CCDC152: variants seen among roughly 807,000 people sequenced by gnomAD.
The protein encoded by CCDC152 is coiled-coil domain-containing protein 152.
CCDC152 carries 37 observed loss-of-function variants against 38.1 expected under a neutral mutation model. That is an observed-to-expected ratio of 0.97 (90% CI 0.75 to 1.28). The LOEUF is 1.28. Among genes scored for constraint, CCDC152 ranks in the 50% most tolerant of loss-of-function variants. The pLI is 0.00. For synonymous variants in CCDC152, 83 were observed against 87.1 expected, an observed-to-expected ratio of 0.95 and a Z score of 0.26; for missense variants, 259 against 292.1, an observed-to-expected ratio of 0.89 and a Z score of 0.83.
chr5:42,777,767 C>T (rs73099761), intron 4 of CCDC152, among the ~76,000 whole-genome samples: 12,482 of 152,242 alleles, frequency 0.082, 612 homozygotes, highest in Middle Eastern at 0.14. Context: ...ATTTCCAAGG[C>T]TCCTTTCAAT....
intron 8 of CCDC152, 25 bp downstream of exon 8, chr5:42,799,483 T>G: frequency 7.1e-7 from 1 of 1,414,174 alleles, no homozygotes. Context: ...CTCTCAGTAT[T>G]TGTTGCTTAA....
chr5:42,762,743 G>A (rs183665916), intron 3 of CCDC152, among the ~76,000 whole-genome samples, 195 bp downstream of exon 3: 8 of 152,170 alleles, frequency 5.3e-5, no homozygotes, highest in South Asian at 2.1e-4. Context: ...CCTCACCAAT[G>A]AAGAAACATA....
At position 42,783,522 on chromosome 5, in the gene CCDC152, G is replaced by C. The variant is rs748389358; in HGVS notation, c.376G>C (p.Glu126Gln). ...AKLVSEMKIK[E>Q]EGYKKEISKL... ...ACTTGTAAGTGAAATGAAAATCAAAGAGGAGGGATATAAGAAAGAAATAAG... is the reference window on the plus strand; with the variant it reads ...ACTTGTAAGTGAAATGAAAATCAAACAGGAGGGATATAAGAAAGAAATAAG... The change falls in exon 6 of 9, where the codon GAG (glutamate) becomes CAG (glutamine). Residue 126 changes from glutamate (E) to glutamine (Q), a missense_variant. Glu to Gln is a conservative substitution (Grantham distance 29). Coordinates refer to ENST00000361970, the MANE Select transcript of CCDC152 (RefSeq NM_001134848.2). 9.3e-6 allele frequency: 13 copies of C among 1,390,794 alleles called. No homozygotes were observed. Among genetic ancestry groups the C allele is most frequent in the Non-Finnish European group, 1.2e-5 (13 of 1,060,306 alleles). 86.2% of individuals were successfully genotyped at this position (1,390,794 alleles called of 1,614,324 possible). A position where few individuals can be genotyped will look rare whatever the true frequency, so the allele number is the denominator to read the frequency against.
In CCDC152 at chr5:42,759,612, A is replaced by G. The variant is rs2972747; in HGVS notation, c.87+404A>G. The stretch of plus-strand genomic sequence containing the variant: ...TAAATTCTGCACCATTCTGAGTAGC[A>G]CGGTGAAATCTTCCATTGTCTCTGT... On this transcript the variant is annotated intron_variant, in intron 2 of 8. Coordinates refer to ENST00000361970, the MANE Select transcript of CCDC152 (RefSeq NM_001134848.2). Among the ~76,000 whole-genome samples, 319 of 152,346 alleles carry G rather than the reference A, an allele frequency of 2.1e-3. 2 individuals carry two copies. The highest frequency in any genetic ancestry group is 7.3e-3 in the African/African-American group (302 of 41,582).
In CCDC152 at chr5:42,802,130, T is replaced by C. The variant is rs1379380787; in HGVS notation, c.*2349T>C. On this transcript the variant is annotated 3_prime_UTR_variant, in exon 9 of 9. Coordinates refer to ENST00000361970, the MANE Select transcript of CCDC152 (RefSeq NM_001134848.2). Reference sequence around the variant, plus strand: ...TTGAACTTCACCAAAGCTTTGCTAATGTCTCCCTACCATAAGGCTGTCAGC... The same window carrying C: ...TTGAACTTCACCAAAGCTTTGCTAACGTCTCCCTACCATAAGGCTGTCAGC... The C allele has an allele frequency of 6.6e-6, 1 of 152,194 alleles. No individual in the cohort carries two copies. The highest frequency in any genetic ancestry group is 1.5e-5 in the Non-Finnish European group (1 of 68,034). The allele number at this position is 152,194 out of a possible 1,614,324, so 9.4% of individuals were successfully genotyped here.
Position 42,799,925 on chromosome 5 carries a change from GTATCC to G in CCDC152, c.*145_*149del. The stretch of plus-strand genomic sequence containing the variant: ...GAATTTATTTGGACAAATCCGTACT[GTATCC>G]AATTCTGTACTGCATTCTTGCTTAA... On this transcript the variant is annotated 3_prime_UTR_variant, in exon 9 of 9. Transcript: ENST00000361970. The G allele has an allele frequency of 1.1e-6, 1 of 899,254 alleles. No homozygotes were observed. Among genetic ancestry groups the G allele is most frequent in the Non-Finnish European group, 1.7e-6 (1 of 593,892 alleles). 55.7% of individuals were successfully genotyped at this position (899,254 alleles called of 1,614,324 possible).
intron 4 of CCDC152, 108 bp downstream of exon 4, chr5:42,769,773 A>G: frequency 8.0e-7 from 1 of 1,253,736 alleles, no homozygotes. Context: ...TGTCAGCTAA[A>G]AGAGGACTCC....
chr5:42,769,563 G>A, intron 3 of CCDC152, 34 bp from the exon 4 acceptor site: 3 of 1,430,754 alleles, frequency 2.1e-6, no homozygotes, highest in African/African-American at 1.5e-5. Flanking sequence ...TGAAAGCAAG[G>A]GATTTTAAAA....
At chr5:42,789,758 C>A (rs1020151497) in intron 6 of CCDC152, among the ~76,000 whole-genome samples, 1 of 152,068 alleles carries the variant, frequency 6.6e-6, no homozygotes, top group Admixed American at 6.6e-5. Flanking sequence ...GAGGGTTAAT[C>A]GGTTTTATAT....
chr5:42,801,001 A>G lies in CCDC152; in HGVS notation c.*1220A>G, dbSNP rs749669211. 1.2e-5 allele frequency: 19 copies of G among 1,614,210 alleles called. No individual in the cohort carries two copies. Among genetic ancestry groups the G allele is most frequent in the Non-Finnish European group, 1.4e-5 (17 of 1,180,016 alleles). ...GGAGCCAACTCTGAATCTGTGGGCA[A>G]TTTACAGAGTAATTGATTTATACAT... On this transcript the variant is annotated 3_prime_UTR_variant, in exon 9 of 9. Transcript: ENST00000361970.
At chr5:42,781,400 T>C (rs891814596) in intron 5 of CCDC152, among the ~76,000 whole-genome samples, 12 of 152,154 alleles carry the variant, frequency 7.9e-5, no homozygotes, top group African/African-American at 2.9e-4. Context: ...ACAAAATCTC[T>C]TGAACTGAGA....
intron 6 of CCDC152, among the ~76,000 whole-genome samples, chr5:42,791,152 T>G (rs918902207): frequency 3.3e-5 from 5 of 152,244 alleles, no homozygotes; most frequent in Non-Finnish European, 5.9e-5. Flanking sequence ...AATTGAGGCA[T>G]GTACCCTAAG....
At chr5:42,782,428 G>C (rs545208816) in intron 5 of CCDC152, among the ~76,000 whole-genome samples, 1 of 152,112 alleles carries the variant, frequency 6.6e-6, no homozygotes, top group African/African-American at 2.4e-5. Flanking sequence ...AAAAGACATT[G>C]TTTCTGTAAT....
In CCDC152 at chr5:42,781,001, G is replaced by A. The variant is rs143467859; in HGVS notation, c.327+1479G>A. On this transcript the variant is annotated intron_variant, in intron 5 of 8. Transcript: ENST00000361970. Reference sequence around the variant, plus strand: ...TAAAGTGGAAGAGAAGATCTAGTGGGATAGAACTTGGCTCAACCCAGATAG... The same window carrying A: ...TAAAGTGGAAGAGAAGATCTAGTGGAATAGAACTTGGCTCAACCCAGATAG... 2.5e-3 allele frequency among the ~76,000 whole-genome samples: 384 copies of A among 152,270 alleles called. 1 individual carries two copies. The highest frequency in any genetic ancestry group is 3.0e-3 in the Non-Finnish European group (206 of 68,010).
In CCDC152 at chr5:42,796,867, A is replaced by G; in HGVS notation, c.469A>G (p.Lys157Glu). ...AGAAAAGCACAAAGAACTAATAGAG[A>G]AAAAGGAGATGGAAATTTCAGAGTT... ...NEEKHKELIE[K>E]KEMEISELNA... is the part of the protein sequence containing the mutation. Residue 157 changes from lysine to glutamate, a missense_variant, in exon 7 of 9, where the codon AAA (lysine) becomes GAA (glutamate). Transcript: ENST00000361970. The G allele has an allele frequency of 6.6e-7, 1 of 1,523,486 alleles. No homozygotes were observed. The highest frequency in any genetic ancestry group is 8.8e-7 in the Non-Finnish European group (1 of 1,136,338). The allele number at this position is 1,523,486 out of a possible 1,614,324, so 94.4% of individuals were successfully genotyped here.
At chr5:42,789,526 A>G (rs940850992) in intron 6 of CCDC152, among the ~76,000 whole-genome samples, 3 of 152,182 alleles carry the variant, frequency 2.0e-5, no homozygotes, top group Admixed American at 6.5e-5. Context: ...TGGGTTTTGT[A>G]CCTTCCTATA....
intron 1 of CCDC152, among the ~76,000 whole-genome samples, chr5:42,757,501 T>C (rs141433054): frequency 2.8e-4 from 42 of 152,222 alleles, no homozygotes; most frequent in African/African-American, 6.0e-4. Context: ...GTGGGGACGG[T>C]TGAAGCTGAG....
rs1436164321 is a variant in CCDC152 at position 42,801,302 on chromosome 5, A to G, written c.*1521A>G. ...TTTTATCCACAGTAGCCAAAGATAC[A>G]CGTTTACAAAAGTCTTCATCTTTGA... On this transcript the variant is annotated 3_prime_UTR_variant, in exon 9 of 9. Coordinates refer to ENST00000361970, the MANE Select transcript of CCDC152 (RefSeq NM_001134848.2). 17 of 1,611,190 alleles carry G rather than the reference A, an allele frequency of 1.1e-5. No homozygotes were observed. The highest frequency in any genetic ancestry group is 1.4e-5 in the Non-Finnish European group (17 of 1,178,632).
Position 42,799,662 on chromosome 5 carries a change from CTT to C in CCDC152, c.647_648del (p.Leu216ProfsTer16). 1 of 1,543,706 alleles carries C rather than the reference CTT, an allele frequency of 6.5e-7. No homozygotes were observed. Among genetic ancestry groups the C allele is most frequent in the South Asian group, 1.2e-5 (1 of 82,484 alleles). The stretch of plus-strand genomic sequence containing the variant: ...ACAAATTTTTTGTTTCGTTTAGAAA[CTT>C]CAGCATTTTCAAGAAGAAAAAAACA... ...VLPQSIYRRK[L>X]QHFQEEKNKE... On this transcript the variant is annotated frameshift_variant, in exon 9 of 9. Transcript: ENST00000361970. LOFTEE classifies it high-confidence loss of function.
Sources: gnomAD v4.1 joint callset for allele counts (sites outside exome capture counted in the v4.1 genomes callset) on GRCh38, gnomAD v4.1.1 for gene constraint, MANE v1.5 for transcripts, NCBI Gene and HGNC (gene_info 2026-07-23, HGNC 2026-07-21) for gene names.